Variants in SETD9 observed in about 807,000 individuals in gnomAD.
SETD9 encodes the protein SET domain-containing protein 9.
Under a neutral mutation model 36.4 loss-of-function variants are expected in SETD9, and 37 were observed. The ratio of observed to expected loss-of-function variants is 1.02; its 90% CI spans 0.78 to 1.34. The LOEUF is 1.34. Ranked by LOEUF, SETD9 falls within the 40% of genes most tolerant of loss-of-function variation. The pLI is 0.00. For synonymous variants in SETD9, 128 were observed against 132.9 expected, an observed-to-expected ratio of 0.96 and a Z score of 0.26; for missense variants, 323 against 353.2, an observed-to-expected ratio of 0.91 and a Z score of 0.69.
At chr5:56,920,565 C>T (rs1440794119), downstream of SETD9, 1 of 152,060 alleles carries the variant, frequency 6.6e-6, no homozygotes, top group Admixed American at 6.6e-5. Context: ...TTCTTGCTTC[C>T]AAATGCAATT....
intron 1 of SETD9, 71 bp downstream of exon 1, chr5:56,909,814 G>T (rs1749004659): frequency 2.9e-6 from 4 of 1,359,678 alleles, no homozygotes; most frequent in Non-Finnish European, 4.0e-6. Context: ...GCGGCGGGAC[G>T]CAAAGCGGAG....
At chr5:56,913,192 T>A (rs1749241607) in intron 3 of SETD9, 58 bp downstream of exon 3, 1 of 1,554,058 alleles carries the variant, frequency 6.4e-7, no homozygotes, top group East Asian at 2.3e-5. Flanking sequence ...CTTACCACAA[T>A]GATTATGACT....
At chr5:56,917,496 C>T (rs990392170), downstream of SETD9, 3 of 216,098 alleles carry the variant, frequency 1.4e-5, no homozygotes, top group Admixed American at 6.5e-5. Flanking sequence ...GTGGGAGGAA[C>T]ACTTATTCCC....
downstream of SETD9, chr5:56,922,022 A>T (rs1479850138): frequency 7.9e-5 from 12 of 152,648 alleles, no homozygotes; most frequent in Non-Finnish European, 1.5e-4. Context: ...ATTCTATTTC[A>T]GATAGGAACT....
chr5:56,925,116 G>GT (rs887962908), intron 5 of SETD9, among the ~76,000 whole-genome samples: 10 of 151,784 alleles, frequency 6.6e-5, no homozygotes, highest in African/African-American at 1.9e-4. Flanking sequence ...AAAACTGATG[G>GT]TTTTTTTTAC....
intron 2 of SETD9, chr5:56,912,141 C>G: frequency 2.1e-6 from 2 of 974,196 alleles, no homozygotes; most frequent in Non-Finnish European, 2.4e-6. Flanking sequence ...GGTGACAGTG[C>G]TAGGCTCCAT....
intron 3 of SETD9, among the ~76,000 whole-genome samples, chr5:56,913,387 C>CTTT (rs200264670): frequency 1.4e-5 from 2 of 141,596 alleles, no homozygotes; most frequent in Admixed American, 7.1e-5. Flanking sequence ...ATTTTTTTTA[C>CTTT]TTTTTTTTTT....
In SETD9 at chr5:56,916,787, T is replaced by G. The variant is rs183671394; in HGVS notation, c.813-28T>G. 1.1e-5 allele frequency: 18 copies of G among 1,594,862 alleles called. No homozygotes were observed. The African/African-American group carries it at 2.4e-4, about 22-fold the overall frequency. ...TATGAGCTTATATTTGTTAATGCTC[T>G]ACCTTTTGTATATCTTTTTGTTTTC... On this transcript the variant is annotated intron_variant, in intron 5 of 5. Coordinates refer to ENST00000285947, the MANE Select transcript of SETD9 (RefSeq NM_153706.4).
chr5:56,913,763 C>CTTT (rs74270761), intron 3 of SETD9, 111 bp from the exon 4 acceptor site: 24 of 529,364 alleles, frequency 4.5e-5, no homozygotes, highest in South Asian at 1.7e-4. Context: ...ATACTAAAGT[C>CTTT]TTTTTTTTTT....
rs774132439 is a variant in SETD9 at position 56,909,640 on chromosome 5, G to A, written c.-6G>A. 13 of 1,602,574 alleles carry A rather than the reference G, an allele frequency of 8.1e-6. No individual in the cohort carries two copies. The Admixed American group carries it at 8.4e-5, about 10-fold the overall frequency. On this transcript the variant is annotated 5_prime_UTR_variant, in exon 1 of 6. Transcript: ENST00000285947. Reference sequence around the variant, plus strand: ...GCCGTCCTGGTCACGGCCCCGCGGGGCAGCCATGCCTGGCCGTCTGCTGCG... The same window carrying A: ...GCCGTCCTGGTCACGGCCCCGCGGGACAGCCATGCCTGGCCGTCTGCTGCG...
At position 56,914,887 on chromosome 5, in the gene SETD9, G is replaced by T. The variant is rs781062228; in HGVS notation, c.733G>T (p.Glu245Ter). 1.9e-6 allele frequency: 3 copies of T among 1,600,548 alleles called. No individual in the cohort carries two copies. The South Asian group carries it at 3.4e-5, about 18-fold the overall frequency. Residue 245 changes from glutamate to a stop codon, truncating the protein, a stop_gained, in exon 5 of 6, where the codon GAA becomes TAA. Coordinates refer to ENST00000285947, the MANE Select transcript of SETD9 (RefSeq NM_153706.4). LOFTEE classifies it high-confidence loss of function. Reference protein sequence around the residue: ...NDRAANVCYQEFDVPAVFPIE... With the variant: ...NDRAANVCYQ The stretch of plus-strand genomic sequence containing the variant: ...CAGAGCAGCTAATGTCTGTTATCAG[G>T]AATTTGATGTGCCTGCAGTTTTCCC...
In SETD9 at chr5:56,916,987, G is replaced by C; in HGVS notation, c.*85G>C. ...TTAATCACTTCTCTGAGTTCTACCT[G>C]TAAAACAAATATTTTGAGACTTAAT... On this transcript the variant is annotated 3_prime_UTR_variant, in exon 6 of 6. Transcript: ENST00000285947. The C allele has an allele frequency of 2.1e-6, 3 of 1,417,834 alleles. No homozygotes were observed. The highest frequency in any genetic ancestry group is 2.8e-6 in the Non-Finnish European group (3 of 1,087,934). 87.8% of individuals were successfully genotyped at this position (1,417,834 alleles called of 1,614,324 possible). A position where few individuals can be genotyped will look rare whatever the true frequency, so the allele number is the denominator to read the frequency against.
chr5:56,917,439 AT>A, downstream of SETD9: 1 of 549,798 alleles, frequency 1.8e-6, no homozygotes, highest in Non-Finnish European at 2.3e-6. Flanking sequence ...CTCTTTGAAC[AT>A]TTTCACACCA....
At chr5:56,925,243 T>C in intron 5 of SETD9, 1 of 387,054 alleles carries the variant, frequency 2.6e-6, no homozygotes, top group South Asian at 2.0e-5. Context: ...ACATCAATAC[T>C]GGAAGGTCTA....
Position 56,916,809 on chromosome 5 carries a change from T to G in SETD9, c.813-6T>G, listed in dbSNP as rs571362826. On this transcript the variant is annotated splice_polypyrimidine_tract_variant and splice_region_variant and intron_variant, in intron 5 of 5. Coordinates refer to ENST00000285947, the MANE Select transcript of SETD9 (RefSeq NM_153706.4). ...CTCTACCTTTTGTATATCTTTTTGT[T>G]TTCAGCCCACTTCGATGTGTTGTTC... 61 of 1,600,020 alleles carry G rather than the reference T, an allele frequency of 3.8e-5. No homozygotes were observed. Among genetic ancestry groups the G allele is most frequent in the Non-Finnish European group, 4.5e-5 (53 of 1,175,746 alleles).
chr5:56,925,172 G>A (rs12657064), intron 5 of SETD9, among the ~76,000 whole-genome samples: 13,846 of 152,062 alleles, frequency 0.091, 645 homozygotes, highest in East Asian at 0.14. Flanking sequence ...TAAATTATAC[G>A]CTTTATCTCA....
chr5:56,911,175 C>G lies in SETD9; in HGVS notation c.105C>G (p.Leu35=), dbSNP rs959653636. 1 of 1,538,936 alleles carries G rather than the reference C, an allele frequency of 6.5e-7. No homozygotes were observed. The highest frequency in any genetic ancestry group is 1.4e-5 in the African/African-American group (1 of 72,292). The change falls in exon 2 of 6, where the codon CTC becomes CTG. Residue 35 remains leucine, a synonymous_variant. Transcript: ENST00000285947. ...AAACTTTTCCCATTTTCAGGACCCTCCGATATGTTCCAGAGGAATCCAAAG... is the reference window on the plus strand; with the variant it reads ...AAACTTTTCCCATTTTCAGGACCCTGCGATATGTTCCAGAGGAATCCAAAG... ...ALNLSHNPRT[L]RYVPEESKDK... is the part of the protein sequence containing the mutation.
rs139462417 is a variant in SETD9 at position 56,911,500 on chromosome 5, T to G, written c.430T>G (p.Leu144Val). The change falls in exon 2 of 6, where the codon TTG becomes GTG. Residue 144 changes from leucine (L) to valine (V), a missense_variant. By Grantham distance (32) the Leu-to-Val change is conservative (BLOSUM62 1). Transcript: ENST00000285947. Reference sequence around the variant, plus strand: ...AAAAGGTGTCTTCGTTACTAAAGGATTGGTACCAAAAGGCGCAGTCGTATC... The same window carrying G: ...AAAAGGTGTCTTCGTTACTAAAGGAGTGGTACCAAAAGGCGCAGTCGTATC... ...AGKGVFVTKG[L>V]VPKGAVVSMY... The G allele has an allele frequency of 1.5e-5, 24 of 1,592,324 alleles. No homozygotes were observed. The African/African-American group carries it at 3.0e-4, about 20-fold the overall frequency.
rs775055699 is a variant in SETD9 at position 56,911,223 on chromosome 5, T to A, written c.153T>A (p.Asp51Glu). The change falls in exon 2 of 6, where the codon GAT (aspartate) becomes GAA (glutamate). Residue 51 changes from aspartate to glutamate, a missense_variant. Coordinates refer to ENST00000285947, the MANE Select transcript of SETD9 (RefSeq NM_153706.4). ...AAGACAAAGTTATCTCAGATGAAGA[T>A]GTCCTAGGAACATTACTGAAAGTTT... ...ESKDKVISDE[D>E]VLGTLLKVFQ... The A allele has an allele frequency of 1.8e-5, 29 of 1,585,294 alleles. No homozygotes were observed. In the South Asian group the frequency reaches 3.4e-4, roughly 18 times the overall value.
Sources: gnomAD v4.1 joint callset for allele counts (sites outside exome capture counted in the v4.1 genomes callset) on GRCh38, gnomAD v4.1.1 for gene constraint, MANE v1.5 for transcripts, NCBI Gene and HGNC (gene_info 2026-07-23, HGNC 2026-07-21) for gene names.